Variants in CNTNAP2 observed in about 807,000 individuals in gnomAD.
The protein encoded by CNTNAP2 is contactin-associated protein-like 2.
Under a neutral mutation model 155.2 loss-of-function variants are expected in CNTNAP2, and 98 were observed. The observed-to-expected ratio is 0.63, with a 90% CI of 0.54 to 0.75. CNTNAP2 has a LOEUF of 0.75. Among genes scored for constraint, CNTNAP2 ranks in the 30% least tolerant of loss-of-function variants. CNTNAP2 has a pLI of 0.00. For missense variants in CNTNAP2, 1,727 were observed against 1,688.1 expected, an observed-to-expected ratio of 1.02 and a Z score of -0.40; for synonymous variants, 651 against 631.2, an observed-to-expected ratio of 1.03 and a Z score of -0.47.
At chr7:148,109,441 A>G (rs1402766929) in intron 15 of CNTNAP2, among the ~76,000 whole-genome samples, 1 of 151,980 alleles carries the variant, frequency 6.6e-6, no homozygotes, top group Non-Finnish European at 1.5e-5. Flanking sequence ...CTGGAGTACA[A>G]TGGTGCGATC....
intron 9 of CNTNAP2, among the ~76,000 whole-genome samples, chr7:147,337,681 G>A (rs1795688343): frequency 6.6e-6 from 1 of 152,026 alleles, no homozygotes; most frequent in Admixed American, 6.5e-5. Flanking sequence ...CAACTCCTTA[G>A]GTCTCTGTAA....
intron 10 of CNTNAP2, among the ~76,000 whole-genome samples, chr7:147,426,917 G>T (rs1016797290): frequency 6.6e-6 from 1 of 152,126 alleles, no homozygotes; most frequent in African/African-American, 2.4e-5. Flanking sequence ...GTATTGCCAG[G>T]TGGTTTTTGA....
intron 22 of CNTNAP2, among the ~76,000 whole-genome samples, chr7:148,398,461 C>T (rs573047196): frequency 1.3e-5 from 2 of 152,312 alleles, no homozygotes; most frequent in East Asian, 1.9e-4. Context: ...TAATTATTCA[C>T]TGAACTCCTT....
At chr7:147,888,228 G>A (rs1585011746) in intron 13 of CNTNAP2, among the ~76,000 whole-genome samples, 1 of 152,108 alleles carries the variant, frequency 6.6e-6, no homozygotes, top group Non-Finnish European at 1.5e-5. Flanking sequence ...AAAGAGAAAA[G>A]TGGATATACT....
intron 8 of CNTNAP2, among the ~76,000 whole-genome samples, chr7:147,280,079 A>G (rs138146198): frequency 1.1e-3 from 167 of 152,014 alleles, no homozygotes; most frequent in Admixed American, 1.6e-3. Flanking sequence ...TTCCAAATGT[A>G]TACAGCTAAT....
rs555654111 is a variant in CNTNAP2, at chr7:147,083,432, T to C, written c.551-24715T>C. Among the ~76,000 whole-genome samples, 136 of 151,534 alleles carry C rather than the reference T, an allele frequency of 9.0e-4. 1 individual carries two copies. The highest frequency in any genetic ancestry group is 6.9e-3 in the Middle Eastern group (2 of 290). ...GTCGCTCACCTCTACTAAATGTATATTGTAATGTGTACATTAAATTTAAAA... is the reference window on the plus strand; with the variant it reads ...GTCGCTCACCTCTACTAAATGTATACTGTAATGTGTACATTAAATTTAAAA... On this transcript the variant is annotated intron_variant, in intron 4 of 23. Coordinates refer to ENST00000361727, the MANE Select transcript of CNTNAP2 (RefSeq NM_014141.6).
chr7:148,252,969 G>GTT (rs1310826523), intron 20 of CNTNAP2, among the ~76,000 whole-genome samples: 1 of 151,618 alleles, frequency 6.6e-6, no homozygotes, highest in African/African-American at 2.4e-5. Context: ...ATGAGAATTT[G>GTT]GGGGTGATCC....
At chr7:146,559,503 A>G (rs1039078939) in intron 1 of CNTNAP2, among the ~76,000 whole-genome samples, 2 of 151,954 alleles carry the variant, frequency 1.3e-5, no homozygotes, top group Admixed American at 1.3e-4. Context: ...GGGAGTGCGG[A>G]GGATGCAGGG....
chr7:148,092,624 T>C (rs1257144666), intron 15 of CNTNAP2, among the ~76,000 whole-genome samples: 1 of 152,186 alleles, frequency 6.6e-6, no homozygotes, highest in African/African-American at 2.4e-5. Flanking sequence ...CAAAACATTT[T>C]ACTGTGATTT....
In CNTNAP2 at chr7:146,842,994, C is replaced by CTTTT. The variant is rs35387068; in HGVS notation, c.402+3116_402+3119dup. Among the ~76,000 whole-genome samples the CTTTT allele has an allele frequency of 5.9e-4, 8 of 13,668 alleles. 2 individuals carry two copies. The highest frequency in any genetic ancestry group is 1.4e-3 in the African/African-American group (5 of 3,492). The allele number at this position is 13,668 out of a possible 152,430, so 9.0% of individuals were successfully genotyped here. On this transcript the variant is annotated intron_variant, in intron 3 of 23. Transcript: ENST00000361727. ...GCCACCACGCCCGGCCTGTCCCACA[C>CTTTT]TTTTTTTTTTTTTTTTTTTTTTTTT... is the stretch of plus-strand genomic sequence containing the variant.
At chr7:147,459,678 C>A (rs553757902) in intron 10 of CNTNAP2, among the ~76,000 whole-genome samples, 2 of 152,168 alleles carry the variant, frequency 1.3e-5, no homozygotes, top group African/African-American at 4.8e-5. Flanking sequence ...GACTGCCTTT[C>A]GAGGTTGGAA....
chr7:146,947,553 G>GTATATATATATATATA (rs767656171), intron 3 of CNTNAP2, among the ~76,000 whole-genome samples: 1 of 104,804 alleles, frequency 9.5e-6, no homozygotes, highest in Non-Finnish European at 1.8e-5. Context: ...ATGTGTGTGT[G>GTATATATATATATATA]TGTGTATATA....
intron 14 of CNTNAP2, among the ~76,000 whole-genome samples, chr7:147,947,404 G>T (rs1163558565): frequency 7.0e-6 from 1 of 142,750 alleles, no homozygotes; most frequent in South Asian, 2.2e-4. Context: ...GATTGCTTGA[G>T]CCCAGGAGTT....
intron 15 of CNTNAP2, among the ~76,000 whole-genome samples, chr7:148,048,033 C>T (rs1009846609): frequency 6.6e-6 from 1 of 152,086 alleles, no homozygotes; most frequent in Non-Finnish European, 1.5e-5. Context: ...ACGCCATTCT[C>T]CTGCCTCAGC....
chr7:148,258,551 A>G (rs562641485), intron 20 of CNTNAP2, among the ~76,000 whole-genome samples: 1 of 152,196 alleles, frequency 6.6e-6, no homozygotes, highest in Non-Finnish European at 1.5e-5. Context: ...GGAGAAAGAG[A>G]TGGTCTCCAC....
chr7:147,400,503 T>C (rs1448151901), intron 10 of CNTNAP2, among the ~76,000 whole-genome samples: 1 of 152,216 alleles, frequency 6.6e-6, no homozygotes, highest in Non-Finnish European at 1.5e-5. Context: ...GTGGTGATCA[T>C]GCTTGGTTTG....
chr7:146,565,025 T>C (rs1184200307), intron 1 of CNTNAP2, among the ~76,000 whole-genome samples: 1 of 152,084 alleles, frequency 6.6e-6, no homozygotes. Flanking sequence ...TCTCCTACTA[T>C]AATATTTCAG....
intron 1 of CNTNAP2, among the ~76,000 whole-genome samples, chr7:146,258,244 A>G (rs1242067058): frequency 6.6e-6 from 1 of 152,170 alleles, no homozygotes; most frequent in Non-Finnish European, 1.5e-5. Flanking sequence ...AGAAGTTACT[A>G]TATAAGAAAA....
intron 1 of CNTNAP2, among the ~76,000 whole-genome samples, chr7:146,262,203 GCA>G: frequency 6.6e-6 from 1 of 152,048 alleles, no homozygotes; most frequent in East Asian, 1.9e-4. Context: ...TTAGCTATTA[GCA>G]CAGCTAATAA....
Sources: gnomAD v4.1 joint callset for allele counts (sites outside exome capture counted in the v4.1 genomes callset) on GRCh38, gnomAD v4.1.1 for gene constraint, MANE v1.5 for transcripts, NCBI Gene and HGNC (gene_info 2026-07-23, HGNC 2026-07-21) for gene names.